Variants in DERA observed in about 807,000 individuals in gnomAD.
The protein encoded by DERA is deoxyribose-phosphate aldolase, also known as 2-deoxy-D-ribose 5-phosphate aldolase.
A neutral mutation model predicts 41.1 loss-of-function variants in DERA; 15 were observed. The observed-to-expected ratio is 0.37, with a 90% CI of 0.24 to 0.56. DERA has a LOEUF of 0.56. Among genes scored for constraint, DERA ranks in the 20% least tolerant of loss-of-function variants. The pLI is 0.81. For synonymous variants in DERA, 139 were observed against 137.4 expected, an observed-to-expected ratio of 1.01 and a Z score of -0.08; for missense variants, 396 against 403.4, an observed-to-expected ratio of 0.98 and a Z score of 0.16.
chr12:15,966,490 G>C lies in DERA; in HGVS notation c.508+3543G>C, dbSNP rs1592023931. The stretch of plus-strand genomic sequence containing the variant: ...AAAAAAAAAAAAAGAATTCTGCAAA[G>C]AGTTATATTTATTTGTTTGTCTTGA... On this transcript the variant is annotated intron_variant, in intron 5 of 8. Transcript: ENST00000428559. The surrounding 1 kb of genome is among the most constrained non-coding windows in gnomAD (Gnocchi z 5.1). 6.6e-6 allele frequency among the ~76,000 whole-genome samples: 1 copy of C among 151,726 alleles called. No individual in the cohort carries two copies. The highest frequency in any genetic ancestry group is 1.5e-5 in the Non-Finnish European group (1 of 67,942).
intron 6 of DERA, among the ~76,000 whole-genome samples, chr12:16,002,655 T>C (rs1158575660): frequency 6.6e-6 from 1 of 152,126 alleles, no homozygotes; most frequent in East Asian, 1.9e-4. Flanking sequence ...TAATACAACA[T>C]TACTAATTAG....
At chr12:15,980,383 T>G (rs1247260505) in intron 5 of DERA, among the ~76,000 whole-genome samples, 1 of 152,252 alleles carries the variant, frequency 6.6e-6, no homozygotes, top group Non-Finnish European at 1.5e-5. Context: ...AATCATTAAT[T>G]AAATCACAAG....
intron 6 of DERA, among the ~76,000 whole-genome samples, chr12:16,005,765 G>C (rs1948906232): frequency 1.3e-5 from 2 of 152,190 alleles, no homozygotes; most frequent in Admixed American, 1.3e-4. Flanking sequence ...TTCTTCTCGT[G>C]TATCATTTTT....
Position 15,982,183 on chromosome 12 carries a change from T to C in DERA, c.509-125T>C, listed in dbSNP as rs1229094639. 1.0e-6 allele frequency: 1 copy of C among 977,222 alleles called. No homozygotes were observed. The highest frequency in any genetic ancestry group is 1.5e-6 in the Non-Finnish European group (1 of 677,134). 60.5% of individuals were successfully genotyped at this position (977,222 alleles called of 1,614,324 possible). A position where few individuals can be genotyped will look rare whatever the true frequency, so the allele number is the denominator to read the frequency against. ...CCAGGCAATGTTAAATTGGGGTGAT[T>C]TTTAGAAAGTGACAAATGTTTTATG... On this transcript the variant is annotated intron_variant, in intron 5 of 8. Coordinates refer to ENST00000428559, the MANE Select transcript of DERA (RefSeq NM_015954.4). This position sits in a 1 kb window ranked among gnomAD's most constrained non-coding sequence, Gnocchi z 4.0.
In DERA at chr12:15,965,935, C is replaced by G. The variant is rs936081244; in HGVS notation, c.508+2988C>G. On this transcript the variant is annotated intron_variant, in intron 5 of 8. Transcript: ENST00000428559. This position sits in a 1 kb window ranked among gnomAD's most constrained non-coding sequence, Gnocchi z 4.1. ...TCTATCTATTGGGCATTCTTTCTTC[C>G]GTGTCATCAGCCTTTCTGCCAGCTC... Among the ~76,000 whole-genome samples the G allele has an allele frequency of 6.6e-6, 1 of 152,148 alleles. No homozygotes were observed. The highest frequency in any genetic ancestry group is 1.5e-5 in the Non-Finnish European group (1 of 68,030).
rs1948954734 is a variant in DERA, at chr12:16,012,716, AC to A, written c.638-19824del. On this transcript the variant is annotated intron_variant, in intron 6 of 8. Coordinates refer to ENST00000428559, the MANE Select transcript of DERA (RefSeq NM_015954.4). This position sits in a 1 kb window ranked among gnomAD's most constrained non-coding sequence, Gnocchi z 4.1. ...GGTGTAAAATGGTGTCAAATTGTTA[AC>A]CTACAGAGTGATTACATGTTTTGGT... is the stretch of plus-strand genomic sequence containing the variant. 6.6e-6 allele frequency among the ~76,000 whole-genome samples: 1 copy of A among 152,172 alleles called. No homozygotes were observed. The highest frequency in any genetic ancestry group is 2.1e-4 in the South Asian group (1 of 4,824).
chr12:16,025,671 T>C (rs1263076661), intron 6 of DERA, among the ~76,000 whole-genome samples: 1 of 152,144 alleles, frequency 6.6e-6, no homozygotes, highest in African/African-American at 2.4e-5. Context: ...AGCAAGGATA[T>C]AGTTGACCTG....
intron 6 of DERA, among the ~76,000 whole-genome samples, chr12:16,015,943 A>G (rs1458775015): frequency 6.6e-6 from 1 of 151,904 alleles, no homozygotes; most frequent in Non-Finnish European, 1.5e-5. Flanking sequence ...TTTTAAATTG[A>G]GATATAATTT....
rs778799564 is a variant in DERA, at chr12:16,036,416, CAA to C, written c.900+36_900+37del. ...CATCTCTGTCTTTGGAATAAATTAACAAGTGTTTTTTGAGAAAGGAATTGAAA... is the reference window on the plus strand; with the variant it reads ...CATCTCTGTCTTTGGAATAAATTAACGTGTTTTTTGAGAAAGGAATTGAAA... On this transcript the variant is annotated intron_variant, in intron 8 of 8. Coordinates refer to ENST00000428559, the MANE Select transcript of DERA (RefSeq NM_015954.4). This position sits in a 1 kb window ranked among gnomAD's most constrained non-coding sequence, Gnocchi z 4.9. 6.4e-6 allele frequency: 10 copies of C among 1,553,676 alleles called. No individual in the cohort carries two copies. In the South Asian group the frequency reaches 1.2e-4, roughly 19 times the overall value.
rs1053723720 is a variant in DERA at position 15,946,406 on chromosome 12, G to T, written c.32-10530G>T. Reference sequence around the variant, plus strand: ...TATTGATTATTGCCTCAATTTCAGAGCCTGTTATTGGTCTATTCAGGGATT... The same window carrying T: ...TATTGATTATTGCCTCAATTTCAGATCCTGTTATTGGTCTATTCAGGGATT... On this transcript the variant is annotated intron_variant, in intron 1 of 8. Transcript: ENST00000428559. Among the ~76,000 whole-genome samples, 19 of 152,118 alleles carry T rather than the reference G, an allele frequency of 1.2e-4. 1 individual carries two copies. The highest frequency in any genetic ancestry group is 3.4e-4 in the African/African-American group (14 of 41,412).
Position 15,999,043 on chromosome 12 carries a change from A to C in DERA, c.637+16607A>C, listed in dbSNP as rs1475053818. 1.3e-5 allele frequency among the ~76,000 whole-genome samples: 2 copies of C among 152,182 alleles called. No individual in the cohort carries two copies. Among genetic ancestry groups the C allele is most frequent in the East Asian group, 3.9e-4 (2 of 5,192 alleles). ...AACATATTAGATTTAGGATTTGAAT[A>C]GGGAGTTCCCCAATTCCAAACTGTG... On this transcript the variant is annotated intron_variant, in intron 6 of 8. Transcript: ENST00000428559. The surrounding 1 kb of genome is among the most constrained non-coding windows in gnomAD (Gnocchi z 5.3).
intron 6 of DERA, among the ~76,000 whole-genome samples, chr12:16,030,096 T>C (rs1157078122): frequency 2.0e-5 from 3 of 150,324 alleles, no homozygotes; most frequent in Admixed American, 6.6e-5. Flanking sequence ...CTAATTTTTT[T>C]TTTTTTTTTG....
At chr12:15,958,132 T>C in intron 2 of DERA, 56 bp from the exon 3 acceptor site, 1 of 1,439,272 alleles carries the variant, frequency 6.9e-7, no homozygotes, top group East Asian at 2.5e-5. Flanking sequence ...GGGTTGGAGG[T>C]TGGTTGGTTT....
chr12:16,027,111 C>T (rs1352173973), intron 6 of DERA, among the ~76,000 whole-genome samples: 1 of 152,118 alleles, frequency 6.6e-6, no homozygotes, highest in Non-Finnish European at 1.5e-5. Flanking sequence ...AAGAAAGCCT[C>T]GGCAAACTAG....
At chr12:16,032,695 A>G in intron 7 of DERA, 41 bp downstream of exon 7, 1 of 1,248,554 alleles carries the variant, frequency 8.0e-7, no homozygotes, top group Non-Finnish European at 1.1e-6. Flanking sequence ...AGTAAAGATA[A>G]TGTTATTTAT....
chr12:15,961,099 G>A (rs1465791082), intron 4 of DERA, among the ~76,000 whole-genome samples: 1 of 152,174 alleles, frequency 6.6e-6, no homozygotes, highest in Non-Finnish European at 1.5e-5. Flanking sequence ...TTACCTGATG[G>A]TACTGGATAA....
Position 16,003,651 on chromosome 12 carries a change from A to C in DERA, c.637+21215A>C, listed in dbSNP as rs1382022471. Among the ~76,000 whole-genome samples the C allele has an allele frequency of 6.6e-6, 1 of 152,150 alleles. No homozygotes were observed. The highest frequency in any genetic ancestry group is 1.5e-5 in the Non-Finnish European group (1 of 68,016). On this transcript the variant is annotated intron_variant, in intron 6 of 8. Coordinates refer to ENST00000428559, the MANE Select transcript of DERA (RefSeq NM_015954.4). This position sits in a 1 kb window ranked among gnomAD's most constrained non-coding sequence, Gnocchi z 4.8. ...AAGTAGACTGCAGGGTTGATGTAAG[A>C]AAAACAGGTGAGTTTGCATTTGTTG...
chr12:15,926,660 C>T (rs1948287136), intron 1 of DERA, among the ~76,000 whole-genome samples: 1 of 145,880 alleles, frequency 6.9e-6, no homozygotes. Flanking sequence ...GGCGTGAACC[C>T]GGGAGGCGGA....
intron 1 of DERA, among the ~76,000 whole-genome samples, chr12:15,923,700 C>G (rs1948262097): frequency 1.6e-5 from 1 of 61,130 alleles, no homozygotes; most frequent in Non-Finnish European, 4.3e-5. Flanking sequence ...TTATAGTCTT[C>G]CTTTTTTTTT....
Sources: gnomAD v4.1 joint callset for allele counts (sites outside exome capture counted in the v4.1 genomes callset) on GRCh38, gnomAD v4.1.1 for gene constraint, Gnocchi (gnomAD v3.1) non-coding constraint, MANE v1.5 for transcripts, NCBI Gene and HGNC (gene_info 2026-07-23, HGNC 2026-07-21) for gene names.